Variants in UQCRC2 observed in about 807,000 individuals in gnomAD.
The protein encoded by UQCRC2 is ubiquinol-cytochrome c reductase core protein 2, also known as cytochrome b-c1 complex subunit 2, mitochondrial.
Under a neutral mutation model 55.6 loss-of-function variants are expected in UQCRC2, and 49 were observed. The observed-to-expected ratio is 0.88, with a 90% CI of 0.70 to 1.12. The LOEUF is 1.12. Among genes scored for constraint, UQCRC2 ranks in the 50% most tolerant of loss-of-function variants. The pLI is 0.00. For missense variants in UQCRC2, 506 were observed against 547.8 expected, an observed-to-expected ratio of 0.92 and a Z score of 0.76; for synonymous variants, 193 against 192.0, an observed-to-expected ratio of 1.01 and a Z score of -0.04.
intron 11 of UQCRC2, among the ~76,000 whole-genome samples, chr16:21,975,720 A>G (rs569515582): frequency 6.6e-6 from 1 of 152,330 alleles, no homozygotes; most frequent in East Asian, 1.9e-4. Context: ...ATAGTAAGAG[A>G]TAGCAGTATT....
Position 21,957,557 on chromosome 16 carries a change from A to G in UQCRC2, c.258A>G (p.Thr86=). 6.2e-7 allele frequency: 1 copy of G among 1,614,166 alleles called. No homozygotes were observed. The stretch of plus-strand genomic sequence containing the variant: ...GAACCACCCATTTGCTGCGTCTTAC[A>G]TCCAGTCTGGTGAGTATCTTCACTT... The part of the protein sequence containing the change: ...NLGTTHLLRL[T]SSLTTKGASS... Residue 86 remains threonine (T), a synonymous_variant, in exon 3 of 14, where the codon ACA becomes ACG. Transcript: ENST00000268379.
rs1898384220 is a variant in UQCRC2 at position 21,968,611 on chromosome 16, GT to G, written c.613-12del. On this transcript the variant is annotated splice_polypyrimidine_tract_variant and intron_variant, in intron 7 of 13. Transcript: ENST00000268379. ...TTTATGCTAATATAACCTAATAAGT[GT>G]TTTTAACTTCCTCAGTTACATTACT... 1 of 1,594,024 alleles carries G rather than the reference GT, an allele frequency of 6.3e-7. No homozygotes were observed. Among genetic ancestry groups the G allele is most frequent in the African/African-American group, 1.4e-5 (1 of 73,892 alleles).
intron 10 of UQCRC2, among the ~76,000 whole-genome samples, chr16:21,972,680 G>T (rs1351989007): frequency 5.3e-5 from 8 of 152,168 alleles, no homozygotes; most frequent in African/African-American, 1.9e-4. Flanking sequence ...TTCGAGACCA[G>T]CCTGGCCAAC....
intron 4 of UQCRC2, chr16:21,961,403 C>T: frequency 2.8e-6 from 1 of 354,490 alleles, no homozygotes; most frequent in Middle Eastern, 3.7e-4. Flanking sequence ...ATCCATACGT[C>T]AACATAGCAC....
At chr16:21,980,791 GTAT>G (rs1368750430) in intron 13 of UQCRC2, 91 bp downstream of exon 13, 6 of 1,467,052 alleles carry the variant, frequency 4.1e-6, no homozygotes, top group African/African-American at 1.4e-5. Flanking sequence ...CTTGGGCAGT[GTAT>G]TATTCTTATG....
intron 8 of UQCRC2, among the ~76,000 whole-genome samples, chr16:21,969,677 T>C (rs958922536): frequency 6.6e-6 from 1 of 152,200 alleles, no homozygotes. Flanking sequence ...AAATTACAGC[T>C]TAAGATATAA....
intron 11 of UQCRC2, among the ~76,000 whole-genome samples, chr16:21,974,375 A>C (rs1376843055): frequency 6.6e-6 from 1 of 152,210 alleles, no homozygotes; most frequent in Non-Finnish European, 1.5e-5. Flanking sequence ...CTGGGAAACA[A>C]CACCATTTAA....
At chr16:21,980,432 G>A (rs934236311) in intron 12 of UQCRC2, 115 bp from the exon 13 acceptor site, 46 of 1,082,286 alleles carry the variant, frequency 4.3e-5, no homozygotes, top group African/African-American at 1.9e-4. Flanking sequence ...AGGGAGACAC[G>A]CTGTTACTCT....
chr16:21,974,540 C>G (rs576500601), intron 11 of UQCRC2, among the ~76,000 whole-genome samples: 59 of 152,236 alleles, frequency 3.9e-4, no homozygotes, highest in Admixed American at 7.8e-4. Flanking sequence ...TTTCAGCAAG[C>G]TAGGACATCA....
intron 1 of UQCRC2, among the ~76,000 whole-genome samples, chr16:21,954,612 G>A (rs1425656235): frequency 2.0e-5 from 3 of 152,090 alleles, no homozygotes; most frequent in Non-Finnish European, 4.4e-5. Flanking sequence ...AAACTTGAAA[G>A]CAATTATTTA....
rs569607385 is a variant in UQCRC2 at position 21,965,325 on chromosome 16, T to C, written c.515-83T>C. The C allele has an allele frequency of 3.4e-5, 45 of 1,334,232 alleles. No individual in the cohort carries two copies. The African/African-American group carries it at 5.9e-4, about 18-fold the overall frequency. The allele number at this position is 1,334,232 out of a possible 1,614,324, so 82.6% of individuals were successfully genotyped here. ...ATGCCAGAAGATGACCAAATTTGTA[T>C]AGGCTTGTTGCTTTCTAGGTTTTAA... On this transcript the variant is annotated intron_variant, in intron 6 of 13. Coordinates refer to ENST00000268379, the MANE Select transcript of UQCRC2 (RefSeq NM_003366.4).
chr16:21,981,463 A>G (rs1028531617), intron 13 of UQCRC2, among the ~76,000 whole-genome samples: 1 of 152,184 alleles, frequency 6.6e-6, no homozygotes, highest in African/African-American at 2.4e-5. Flanking sequence ...AAGAAAAAAT[A>G]AAAAACTAAG....
chr16:21,983,187 T>A lies in UQCRC2; in HGVS notation c.*16T>A. On this transcript the variant is annotated 3_prime_UTR_variant, in exon 14 of 14. Transcript: ENST00000268379. The stretch of plus-strand genomic sequence containing the variant: ...TGAGTTGTAATACTGATGCACACAT[T>A]ACAGGAGAGAGCTGAACGTTCTCTC... 2 of 1,609,630 alleles carry A rather than the reference T, an allele frequency of 1.2e-6. No homozygotes were observed. Among genetic ancestry groups the A allele is most frequent in the Non-Finnish European group, 8.5e-7 (1 of 1,176,480 alleles).
chr16:21,958,665 T>C (rs1898133752), intron 4 of UQCRC2, 66 bp downstream of exon 4: 1 of 1,406,790 alleles, frequency 7.1e-7, no homozygotes, highest in Admixed American at 1.8e-5. Context: ...AGGGAACTTT[T>C]CTCTGTTATC....
At chr16:21,963,021 C>T (rs915862614) in intron 6 of UQCRC2, 136 bp downstream of exon 6, 143 of 1,173,368 alleles carry the variant, frequency 1.2e-4, no homozygotes, top group African/African-American at 2.3e-4. Context: ...CAGAGTCTCA[C>T]TCTGTCACCC....
chr16:21,969,627 C>T (rs1379038259), intron 8 of UQCRC2, among the ~76,000 whole-genome samples: 2 of 152,168 alleles, frequency 1.3e-5, no homozygotes, highest in Admixed American at 1.3e-4. Flanking sequence ...AAAGTAGTTG[C>T]ATGAGAATAT....
At chr16:21,975,058 G>A (rs1455574754) in intron 11 of UQCRC2, among the ~76,000 whole-genome samples, 1 of 152,222 alleles carries the variant, frequency 6.6e-6, no homozygotes, top group African/African-American at 2.4e-5. Flanking sequence ...AGTCAGCACT[G>A]TCATGTAATT....
chr16:21,961,164 T>C (rs1367485206), intron 4 of UQCRC2, among the ~76,000 whole-genome samples: 1 of 152,150 alleles, frequency 6.6e-6, no homozygotes, highest in African/African-American at 2.4e-5. Context: ...GTGGTAAAGA[T>C]GATAGAGAAT....
chr16:21,968,041 G>T (rs377078298), intron 7 of UQCRC2, among the ~76,000 whole-genome samples: 8 of 134,364 alleles, frequency 6.0e-5, no homozygotes, highest in Non-Finnish European at 1.2e-4. Flanking sequence ...TTGCTGTGTC[G>T]CCCAGGCCAG....
Sources: allele counts gnomAD v4.1 joint callset (sites outside exome capture counted in the v4.1 genomes callset), GRCh38; gene constraint gnomAD v4.1.1; transcripts MANE v1.5; gene names NCBI Gene and HGNC (gene_info 2026-07-23, HGNC 2026-07-21).